Variants in RUFY3 observed in about 807,000 individuals in gnomAD.
RUFY3 encodes the protein RUN and FYVE domain containing 3, also known as protein RUFY3.
RUFY3 carries 34 observed loss-of-function variants against 84.0 expected under a neutral mutation model. That is an observed-to-expected ratio of 0.40 (90% CI 0.31 to 0.54). The LOEUF is 0.54. Ranked by LOEUF, RUFY3 falls within the 20% of genes least tolerant of loss-of-function variation. The pLI is 0.39. For synonymous variants in RUFY3, 242 were observed against 252.9 expected (o/e 0.96, Z 0.41); for missense variants, 507 against 736.8 (o/e 0.69, Z 3.61).
chr4:70,746,674 A>C (rs1422521095), intron 1 of RUFY3, among the ~76,000 whole-genome samples: 1 of 152,222 alleles, frequency 6.6e-6, no homozygotes, highest in Non-Finnish European at 1.5e-5. Context: ...TGACACATAC[A>C]GAGGTTAAGA....
chr4:70,707,838 T>C (rs1395549705), intron 1 of RUFY3, among the ~76,000 whole-genome samples: 1 of 152,244 alleles, frequency 6.6e-6, no homozygotes, highest in African/African-American at 2.4e-5. Context: ...GTAAGCATAC[T>C]TACAGAAAGG....
intron 1 of RUFY3, among the ~76,000 whole-genome samples, chr4:70,708,172 G>GT (rs1229347265): frequency 1.3e-5 from 2 of 152,070 alleles, no homozygotes; most frequent in Non-Finnish European, 2.9e-5. Context: ...AACAGTTTTT[G>GT]TTTTTTTATT....
intron 1 of RUFY3, among the ~76,000 whole-genome samples, chr4:70,708,158 A>G (rs1428558186): frequency 1.3e-5 from 2 of 152,196 alleles, no homozygotes; most frequent in Admixed American, 6.5e-5. Context: ...AACACTTGAG[A>G]CCAAACAGTT....
At chr4:70,774,644 A>AAATAT (rs1553916771) in intron 6 of RUFY3, among the ~76,000 whole-genome samples, 15 of 56,666 alleles carry the variant, frequency 2.6e-4, no homozygotes, top group South Asian at 5.6e-4. Context: ...AAAAAAAAAA[A>AAATAT]ATATATATAT....
chr4:70,730,343 G>T (rs370487266), intron 1 of RUFY3, among the ~76,000 whole-genome samples: 8 of 152,066 alleles, frequency 5.3e-5, no homozygotes, highest in African/African-American at 1.7e-4. Flanking sequence ...GTTACTTTCC[G>T]CTAGGAATTA....
chr4:70,740,573 A>G (rs778856588), intron 1 of RUFY3, among the ~76,000 whole-genome samples: 1 of 152,202 alleles, frequency 6.6e-6, no homozygotes, highest in Non-Finnish European at 1.5e-5. Flanking sequence ...TATTCCCTCT[A>G]TTGACTTTTG....
At chr4:70,711,612 C>G (rs1203812242) in intron 1 of RUFY3, among the ~76,000 whole-genome samples, 5 of 152,164 alleles carry the variant, frequency 3.3e-5, no homozygotes, top group African/African-American at 9.7e-5. Flanking sequence ...TGCCTTTTGT[C>G]AAATAGTAGA....
chr4:70,727,571 G>A (rs960144523), intron 1 of RUFY3, among the ~76,000 whole-genome samples: 1 of 151,428 alleles, frequency 6.6e-6, no homozygotes, highest in Non-Finnish European at 1.5e-5. Context: ...GGCCAGGCTG[G>A]TCTTGAACTC....
At chr4:70,704,133 T>C (rs1240537024), upstream of RUFY3, 1 of 152,250 alleles carries the variant, frequency 6.6e-6, no homozygotes, top group Non-Finnish European at 1.5e-5. Context: ...GTATAAATTC[T>C]AAGCTGTTTG....
At chr4:70,795,059 T>G (rs1048319489) in intron 14 of RUFY3, among the ~76,000 whole-genome samples, 165 bp downstream of exon 14, 4 of 152,042 alleles carry the variant, frequency 2.6e-5, no homozygotes, top group African/African-American at 7.3e-5. Context: ...GAAAGCTTGA[T>G]TCTGAGTCTG....
chr4:70,769,888 T>A (rs996160252), intron 5 of RUFY3, among the ~76,000 whole-genome samples: 2 of 152,208 alleles, frequency 1.3e-5, no homozygotes, highest in African/African-American at 2.4e-5. Flanking sequence ...AGTGGCACCA[T>A]CTCAGCTCAC....
intron 5 of RUFY3, among the ~76,000 whole-genome samples, chr4:70,772,685 A>G (rs1398897924): frequency 6.7e-6 from 1 of 148,810 alleles, no homozygotes; most frequent in African/African-American, 2.5e-5. Context: ...TTTGAGACGG[A>G]GTTTTGCTCT....
At chr4:70,733,067 A>AAAAG (rs199532156) in intron 1 of RUFY3, among the ~76,000 whole-genome samples, 42 of 132,456 alleles carry the variant, frequency 3.2e-4, no homozygotes, top group Middle Eastern at 3.6e-3. Context: ...ACTCCATTTC[A>AAAAG]AAAGAAAGAG....
intron 15 of RUFY3, among the ~76,000 whole-genome samples, chr4:70,800,479 TC>T (rs1422357512): frequency 3.3e-5 from 5 of 152,266 alleles, no homozygotes; most frequent in Admixed American, 6.5e-5. Flanking sequence ...AGAGGTTATT[TC>T]CCACCTTTAC....
At chr4:70,743,828 A>T (rs573766570) in intron 1 of RUFY3, among the ~76,000 whole-genome samples, 1 of 151,670 alleles carries the variant, frequency 6.6e-6, no homozygotes, top group Non-Finnish European at 1.5e-5. Context: ...GGAGAGGGAG[A>T]TGGCTTCACT....
chr4:70,774,522 G>A (rs559156393), intron 6 of RUFY3, among the ~76,000 whole-genome samples: 5 of 145,614 alleles, frequency 3.4e-5, no homozygotes, highest in South Asian at 2.2e-4. Context: ...GGCTGAGGCC[G>A]GAGAATTGCT....
At chr4:70,724,838 T>C (rs978325058) in intron 1 of RUFY3, among the ~76,000 whole-genome samples, 22 of 152,206 alleles carry the variant, frequency 1.4e-4, no homozygotes, top group African/African-American at 5.3e-4. Context: ...TCCCAAGAAA[T>C]ACCCACTTTT....
intron 1 of RUFY3, among the ~76,000 whole-genome samples, chr4:70,737,757 A>T (rs76801372): frequency 1.3e-5 from 2 of 149,368 alleles, no homozygotes; most frequent in Admixed American, 6.7e-5. Flanking sequence ...GCTCACTGCA[A>T]TCTCCACCTG....
chr4:70,784,923 G>T (rs756642013), intron 10 of RUFY3, 44 bp downstream of exon 10: 1 of 1,362,842 alleles, frequency 7.3e-7, no homozygotes, highest in Non-Finnish European at 1.0e-6. Context: ...TATATTAAAA[G>T]GTAACTGCCC....
Sources: gnomAD v4.1 joint callset for allele counts (sites outside exome capture counted in the v4.1 genomes callset) on GRCh38, gnomAD v4.1.1 for gene constraint, MANE v1.5 for transcripts, NCBI Gene and HGNC (gene_info 2026-07-23, HGNC 2026-07-21) for gene names.